Variants in DPP6 observed in about 807,000 individuals in gnomAD.
DPP6 encodes the protein dipeptidyl peptidase like 6, also known as A-type potassium channel modulatory protein DPP6.
DPP6 carries 69 observed loss-of-function variants against 122.6 expected under a neutral mutation model. That is an observed-to-expected ratio of 0.56 (90% confidence interval 0.46 to 0.69). The LOEUF (loss-of-function observed/expected upper bound fraction) is 0.69, where lower values mean the gene tolerates loss of function less well. Ranked by LOEUF, DPP6 falls within the 30% of genes least tolerant of loss-of-function variation. DPP6 has a pLI of 0.00. For synonymous variants in DPP6, 418 were observed against 433.1 expected (o/e 0.97, Z 0.43); for missense variants, 928 against 1,116.9 (o/e 0.83, Z 2.41).
intron 1 of DPP6, among the ~76,000 whole-genome samples, chr7:154,261,841 T>C (rs1261327015): frequency 1.3e-5 from 2 of 152,160 alleles, no homozygotes; most frequent in African/African-American, 4.8e-5. Flanking sequence ...TACAATGAGA[T>C]ACCATCTTAC....
At chr7:153,780,556 G>T in the DPP6 span, among the ~76,000 whole-genome samples, 776 of 152,176 alleles carry the variant, frequency 5.1e-3, 10 homozygotes, top group African/African-American at 0.018. Context: ...TAACATCCTT[G>T]GACTTTGGGA....
chr7:153,772,168 C>T, the DPP6 span, among the ~76,000 whole-genome samples: 1 of 152,266 alleles, frequency 6.6e-6, no homozygotes, highest in East Asian at 1.9e-4. Flanking sequence ...ACTGCAACCT[C>T]CACTTCCTGG....
chr7:154,106,759 A>G (rs1585390573), intron 1 of DPP6, among the ~76,000 whole-genome samples: 1 of 152,226 alleles, frequency 6.6e-6, no homozygotes, highest in East Asian at 1.9e-4. Flanking sequence ...CCTGGAGAGA[A>G]AAGAGGCTGA....
chr7:154,248,144 C>T (rs1345695381), intron 1 of DPP6, among the ~76,000 whole-genome samples: 2 of 152,070 alleles, frequency 1.3e-5, no homozygotes, highest in Non-Finnish European at 2.9e-5. Flanking sequence ...GTGCACTCAT[C>T]CCATTCACAA....
chr7:153,903,619 T>C (rs755620856), intron 1 of DPP6, among the ~76,000 whole-genome samples: 64 of 152,212 alleles, frequency 4.2e-4, no homozygotes, highest in Non-Finnish European at 7.8e-4. Flanking sequence ...AACAATCTTA[T>C]TCAATAAAAT....
At chr7:154,878,077 C>T (rs967733299) in intron 20 of DPP6, among the ~76,000 whole-genome samples, 1 of 152,164 alleles carries the variant, frequency 6.6e-6, no homozygotes, top group Non-Finnish European at 1.5e-5. Context: ...GTGTGGCTTC[C>T]CCTGCCATCT....
intron 4 of DPP6, among the ~76,000 whole-genome samples, chr7:154,559,642 C>G (rs1036001200): frequency 1.3e-5 from 2 of 152,060 alleles, no homozygotes; most frequent in African/African-American, 4.8e-5. Context: ...AAGAAAACAG[C>G]TGACTCTTCA....
chr7:153,986,049 C>A (rs1796829404), intron 1 of DPP6, among the ~76,000 whole-genome samples: 1 of 152,162 alleles, frequency 6.6e-6, no homozygotes, highest in Non-Finnish European at 1.5e-5. Flanking sequence ...TTGATAAGAT[C>A]AGGTGCGTTC....
intron 1 of DPP6, among the ~76,000 whole-genome samples, chr7:153,922,068 T>C (rs913217491): frequency 1.6e-4 from 25 of 152,338 alleles, no homozygotes; most frequent in African/African-American, 5.8e-4. Context: ...GTTCAACCGA[T>C]ACGGTCCTGA....
At chr7:154,511,433 A>G (rs1826085252) in intron 3 of DPP6, among the ~76,000 whole-genome samples, 1 of 152,234 alleles carries the variant, frequency 6.6e-6, no homozygotes, top group Admixed American at 6.5e-5. Flanking sequence ...TTGAGAATTC[A>G]GCGCAGGTAA....
chr7:154,402,095 A>G (rs1255090736), intron 1 of DPP6, among the ~76,000 whole-genome samples: 1 of 151,426 alleles, frequency 6.6e-6, no homozygotes, highest in Non-Finnish European at 1.5e-5. Context: ...AAGTCAGGAA[A>G]CAACAGGTGC....
intron 1 of DPP6, chr7:154,094,451 CT>C (rs1805172965): frequency 6.6e-6 from 1 of 152,334 alleles, no homozygotes. Context: ...CTGCATGTTT[CT>C]GCTCATGTTA....
intron 7 of DPP6, among the ~76,000 whole-genome samples, chr7:154,708,973 A>C (rs147293991): frequency 1.3e-5 from 2 of 152,252 alleles, no homozygotes; most frequent in Non-Finnish European, 2.9e-5. Context: ...GCTTGAGCCC[A>C]GGAGACAGAG....
intron 1 of DPP6, among the ~76,000 whole-genome samples, chr7:154,163,525 C>T (rs1255260424): frequency 6.6e-6 from 1 of 151,928 alleles, no homozygotes; most frequent in Non-Finnish European, 1.5e-5. Context: ...TATTTTTAGC[C>T]CTCAAATTTT....
chr7:154,870,605 C>CA (rs1317199138), intron 18 of DPP6, among the ~76,000 whole-genome samples: 6 of 151,614 alleles, frequency 4.0e-5, no homozygotes, highest in African/African-American at 1.2e-4. Flanking sequence ...GACTTTGTCT[C>CA]AAAAAACAAA....
rs1799228307 is a variant in DPP6 at position 154,813,775 on chromosome 7, G to A, written c.1666+6663G>A. Among the ~76,000 whole-genome samples, 3 of 151,724 alleles carry A rather than the reference G, an allele frequency of 2.0e-5. No homozygotes were observed. The South Asian group carries it at 6.2e-4, about 32-fold the overall frequency. ...TTCCAGAATATACCAAGCAGCTTTT[G>A]GCATACATACTTAATTGGTCTTCTC... is the stretch of plus-strand genomic sequence containing the variant. On this transcript the variant is annotated intron_variant, in intron 16 of 25. Transcript: ENST00000377770.
chr7:154,324,079 G>A (rs1487355917), intron 1 of DPP6, among the ~76,000 whole-genome samples: 2 of 152,318 alleles, frequency 1.3e-5, no homozygotes, highest in Middle Eastern at 3.4e-3. Context: ...ACAGAACCAT[G>A]AGCAGAGGAC....
Position 154,566,024 on chromosome 7 carries a change from A to G in DPP6, c.553-818A>G, listed in dbSNP as rs572540547. Among the ~76,000 whole-genome samples the G allele has an allele frequency of 1.1e-4, 16 of 152,306 alleles. No homozygotes were observed. In the South Asian group the frequency reaches 3.1e-3, roughly 30 times the overall value. ...CAGTTGATGGTATCATTTATGTCGG[A>G]TGATGTTTGTACTATGAAGAAATTT... On this transcript the variant is annotated intron_variant, in intron 4 of 25. Coordinates refer to ENST00000377770, the MANE Select transcript of DPP6 (RefSeq NM_130797.4).
the DPP6 span, among the ~76,000 whole-genome samples, chr7:153,768,423 T>C: frequency 6.6e-6 from 1 of 152,132 alleles, no homozygotes; most frequent in Non-Finnish European, 1.5e-5. Context: ...GGTTCCTTTG[T>C]ATGTCTGTTC....
Sources: allele counts gnomAD v4.1 joint callset (sites outside exome capture counted in the v4.1 genomes callset), GRCh38; gene constraint gnomAD v4.1.1; transcripts MANE v1.5; gene names NCBI Gene and HGNC (gene_info 2026-07-23, HGNC 2026-07-21).